Variants in FBLN2 observed in about 807,000 individuals in gnomAD.
FBLN2 encodes fibulin-2.
Under a neutral mutation model 123.7 loss-of-function variants are expected in FBLN2, and 81 were observed. The observed-to-expected ratio is 0.65, with a 90% CI of 0.55 to 0.79. The LOEUF (loss-of-function observed/expected upper bound fraction) is 0.79, where lower values mean the gene tolerates loss of function less well. Among genes scored for constraint, FBLN2 ranks in the 30% least tolerant of loss-of-function variants. The pLI, the probability that FBLN2 is intolerant of heterozygous loss-of-function variation, is 0.00. For missense variants in FBLN2, 1,603 were observed against 1,681.3 expected, an observed-to-expected ratio of 0.95 and a Z score of 0.81; for synonymous variants, 699 against 701.4, an observed-to-expected ratio of 1.00 and a Z score of 0.05.
intron 8 of FBLN2, among the ~76,000 whole-genome samples, chr3:13,621,440 T>C (rs904372366): frequency 6.6e-6 from 1 of 152,114 alleles, no homozygotes; most frequent in Admixed American, 6.5e-5. Context: ...TACTGGACTT[T>C]GCAAGCTCTC....
At chr3:13,574,375 C>T (rs975807094) in intron 2 of FBLN2, among the ~76,000 whole-genome samples, 4 of 152,224 alleles carry the variant, frequency 2.6e-5, no homozygotes, top group Non-Finnish European at 4.4e-5. Flanking sequence ...AGGGTTCCTC[C>T]GTGTGGCCCT....
chr3:13,631,294 C>G (rs113307950), intron 15 of FBLN2, 35 bp from the exon 16 acceptor site: 19 of 1,587,356 alleles, frequency 1.2e-5, no homozygotes, highest in Admixed American at 1.1e-4. Context: ...TGTGGGTGGA[C>G]GAGGTTCACC....
chr3:13,606,958 T>C (rs1705226751), intron 2 of FBLN2, among the ~76,000 whole-genome samples: 2 of 151,822 alleles, frequency 1.3e-5, no homozygotes, highest in South Asian at 4.2e-4. Flanking sequence ...CGGCTGACTA[T>C]ATTCTGTATT....
Position 13,631,467 on chromosome 3 carries a change from T to C in FBLN2, c.3214+10T>C, listed in dbSNP as rs1575001801. On this transcript the variant is annotated intron_variant, in intron 16 of 17. Coordinates refer to ENST00000404922, the MANE Select transcript of FBLN2 (RefSeq NM_001004019.2). ...GGGAGGTCCTGCAAGGGTGAGCAAG[T>C]CCCCCCACACGCCCCCGCCTCCATC... 1.9e-6 allele frequency: 3 copies of C among 1,572,870 alleles called. No individual in the cohort carries two copies. The Admixed American group carries it at 5.5e-5, about 29-fold the overall frequency.
Position 13,614,936 on chromosome 3 carries a change from CCAT to C in FBLN2, c.1729+774_1729+776del, listed in dbSNP as rs1169687472. The stretch of plus-strand genomic sequence containing the variant: ...TCCATCCATCCATCCATCCATCCAT[CCAT>C]CCACCCACCCATCCGTCTGTTCATC... On this transcript the variant is annotated intron_variant, in intron 5 of 17. Coordinates refer to ENST00000404922, the MANE Select transcript of FBLN2 (RefSeq NM_001004019.2). Among the ~76,000 whole-genome samples, 158 of 151,016 alleles carry C rather than the reference CCAT, an allele frequency of 1.0e-3. 3 individuals carry two copies. Among genetic ancestry groups the C allele is most frequent in the African/African-American group, 3.4e-3 (140 of 40,956 alleles).
intron 1 of FBLN2, 131 bp from the exon 2 acceptor site, chr3:13,570,184 G>C: frequency 1.1e-6 from 1 of 949,126 alleles, no homozygotes; most frequent in East Asian, 2.7e-5. Flanking sequence ...GCAGTGCTTA[G>C]TGTGCTCCTG....
chr3:13,629,068 CCCTGCCAGCCAGCCCGG>C lies in FBLN2; in HGVS notation c.2713+27_2713+43del. The C allele has an allele frequency of 1.9e-6, 3 of 1,612,866 alleles. No homozygotes were observed. The highest frequency in any genetic ancestry group is 2.5e-6 in the Non-Finnish European group (3 of 1,179,602). On this transcript the variant is annotated intron_variant, in intron 12 of 17. Coordinates refer to ENST00000404922, the MANE Select transcript of FBLN2 (RefSeq NM_001004019.2). ...GTGTGGGTAAGGCCAGCCGCCTCCG[CCCTGCCAGCCAGCCCGG>C]CCTGCCCGCTTCCCCACCCCTGGGA...
intron 4 of FBLN2, 22 bp downstream of exon 4, chr3:13,609,664 C>G: frequency 1.3e-6 from 1 of 795,296 alleles, no homozygotes; most frequent in South Asian, 1.6e-5. Flanking sequence ...CTGTGGCCTT[C>G]AAGGCAGGGT....
chr3:13,604,654 G>T (rs1197844206), intron 2 of FBLN2, among the ~76,000 whole-genome samples: 1 of 152,166 alleles, frequency 6.6e-6, no homozygotes, highest in Non-Finnish European at 1.5e-5. Context: ...CATTATTTTT[G>T]TAATATTTAA....
At chr3:13,600,328 C>G (rs1704989540) in intron 2 of FBLN2, among the ~76,000 whole-genome samples, 1 of 152,042 alleles carries the variant, frequency 6.6e-6, no homozygotes, top group Non-Finnish European at 1.5e-5. Context: ...GGGTGGCCCT[C>G]CCAGCATAAG....
At chr3:13,600,272 C>T (rs1424548067) in intron 2 of FBLN2, among the ~76,000 whole-genome samples, 1 of 152,072 alleles carries the variant, frequency 6.6e-6, no homozygotes, top group African/African-American at 2.4e-5. Context: ...TGGCACCTGG[C>T]AATGCTACTC....
chr3:13,552,074 A>C (rs569094127), intron 1 of FBLN2, among the ~76,000 whole-genome samples: 1 of 152,202 alleles, frequency 6.6e-6, no homozygotes, highest in African/African-American at 2.4e-5. Context: ...CTTGGCCTCA[A>C]GTGATCCTCA....
chr3:13,609,699 G>A, intron 4 of FBLN2, 57 bp downstream of exon 4: 1 of 1,530,750 alleles, frequency 6.5e-7, no homozygotes, highest in South Asian at 1.2e-5. Flanking sequence ...CGGGAGGCTG[G>A]CCTGGGCCTG....
rs1477087636 is a variant in FBLN2 at position 13,631,412 on chromosome 3, C to T, written c.3169C>T (p.Pro1057Ser). 6 of 1,601,064 alleles carry T rather than the reference C, an allele frequency of 3.7e-6. No homozygotes were observed. Among genetic ancestry groups the T allele is most frequent in the Non-Finnish European group, 4.3e-6 (5 of 1,174,214 alleles). The change falls in exon 16 of 18, where the codon CCT (proline) becomes TCT (serine). Residue 1057 changes from proline to serine, a missense_variant. Physicochemically the swap from Pro to Ser is moderately conservative, Grantham distance 74 (BLOSUM62 -1). Transcript: ENST00000404922. ...NVPGSYQCAC[P>S]EQGYTMTANG... ...GCCAGGGAGCTACCAGTGTGCATGC[C>T]CTGAGCAGGGCTACACCATGACGGC...
chr3:13,603,939 T>G (rs999614674), intron 2 of FBLN2, among the ~76,000 whole-genome samples: 1 of 152,222 alleles, frequency 6.6e-6, no homozygotes, highest in African/African-American at 2.4e-5. Context: ...CTGACTGGTG[T>G]GAGATGGTAT....
intron 1 of FBLN2, among the ~76,000 whole-genome samples, chr3:13,557,684 C>T (rs1238852153): frequency 6.6e-6 from 1 of 152,244 alleles, no homozygotes; most frequent in Non-Finnish European, 1.5e-5. Flanking sequence ...CTGCTCTGAC[C>T]TGTCACTGTG....
intron 2 of FBLN2, among the ~76,000 whole-genome samples, chr3:13,581,110 A>G (rs1475670139): frequency 1.3e-5 from 2 of 151,784 alleles, no homozygotes; most frequent in African/African-American, 2.4e-5. Context: ...CACTCCTTCA[A>G]TGATTAAGAT....
intron 2 of FBLN2, among the ~76,000 whole-genome samples, chr3:13,606,079 T>C (rs564081261): frequency 2.6e-5 from 4 of 152,258 alleles, no homozygotes; most frequent in Non-Finnish European, 5.9e-5. Context: ...GGCTAACTTT[T>C]TGTGGAGTTG....
chr3:13,609,679 T>TGGGGGGGG, intron 4 of FBLN2, 37 bp downstream of exon 4: 28 of 80,150 alleles, frequency 3.5e-4, no homozygotes, highest in East Asian at 1.5e-3. Flanking sequence ...CAGGGTGGGG[T>TGGGGGGGG]GGGGCGGGGC....
Sources: allele counts gnomAD v4.1 joint callset (sites outside exome capture counted in the v4.1 genomes callset), GRCh38; gene constraint gnomAD v4.1.1; transcripts MANE v1.5; gene names NCBI Gene and HGNC (gene_info 2026-07-23, HGNC 2026-07-21).